The following FOLH1 variants were observed in gnomAD, a reference collection of about 807,000 sequenced individuals.
FOLH1 encodes folate hydrolase 1, also known as glutamate carboxypeptidase 2.
FOLH1 carries 54 observed loss-of-function variants against 93.9 expected under a neutral mutation model. The observed-to-expected ratio is 0.57, with a 90% confidence interval of 0.46 to 0.72. FOLH1 has a LOEUF of 0.72. Among genes scored for constraint, FOLH1 ranks in the 30% least tolerant of loss-of-function variants. FOLH1 has a pLI of 0.00. For synonymous variants in FOLH1, 249 were observed against 303.6 expected (o/e 0.82, Z 1.87); for missense variants, 571 against 892.5 (o/e 0.64, Z 4.59).
At chr11:49,181,066 C>T (rs1404960455) in intron 7 of FOLH1, among the ~76,000 whole-genome samples, 1 of 151,978 alleles carries the variant, frequency 6.6e-6, no homozygotes, top group African/African-American at 2.4e-5. Context: ...TTATGCATCC[C>T]TCTTTTGTAA....
chr11:49,168,513 A>G (rs1334296462), intron 12 of FOLH1, among the ~76,000 whole-genome samples: 7 of 152,074 alleles, frequency 4.6e-5, no homozygotes, highest in Non-Finnish European at 8.8e-5. Context: ...TGAAGTTTCT[A>G]TTATTCTTTC....
At chr11:49,198,432 A>C (rs1410618865) in intron 3 of FOLH1, among the ~76,000 whole-genome samples, 2 of 150,698 alleles carry the variant, frequency 1.3e-5, no homozygotes, top group Non-Finnish European at 2.9e-5. Context: ...CAGTGAGCGG[A>C]GATACCGCCA....
intron 2 of FOLH1, among the ~76,000 whole-genome samples, chr11:49,205,292 T>G (rs949157059): frequency 2.6e-5 from 4 of 152,198 alleles, no homozygotes; most frequent in Admixed American, 6.5e-5. Context: ...ATTTTCTTTT[T>G]GGTTGCTTTT....
At chr11:49,149,653 G>T (rs1216900118) in intron 17 of FOLH1, among the ~76,000 whole-genome samples, 1 of 152,064 alleles carries the variant, frequency 6.6e-6, no homozygotes, top group African/African-American at 2.4e-5. Flanking sequence ...ATTCAAGCTT[G>T]TAGAGTGAGC....
chr11:49,192,424 A>G (rs974476966), intron 4 of FOLH1, among the ~76,000 whole-genome samples: 8 of 152,230 alleles, frequency 5.3e-5, no homozygotes, highest in Admixed American at 3.3e-4. Flanking sequence ...CAGAAATGTC[A>G]AAGAAAGATA....
At chr11:49,205,422 A>G (rs1010018776) in intron 2 of FOLH1, among the ~76,000 whole-genome samples, 69 of 152,206 alleles carry the variant, frequency 4.5e-4, no homozygotes, top group African/African-American at 1.6e-3. Context: ...CTTCATCCAT[A>G]TCATAATAAG....
At chr11:49,148,455 G>A (rs1856026637) in intron 18 of FOLH1, among the ~76,000 whole-genome samples, 184 bp downstream of exon 18, 1 of 151,126 alleles carries the variant, frequency 6.6e-6, no homozygotes. Context: ...TCAAAATAAA[G>A]ATATGCAAAA....
chr11:49,188,588 T>G (rs1447991079), intron 4 of FOLH1, among the ~76,000 whole-genome samples: 1 of 152,070 alleles, frequency 6.6e-6, no homozygotes, highest in East Asian at 1.9e-4. Flanking sequence ...ACAACATCAT[T>G]GCAATTCTTA....
intron 4 of FOLH1, among the ~76,000 whole-genome samples, chr11:49,191,036 G>A (rs1453837874): frequency 2.0e-5 from 3 of 152,174 alleles, no homozygotes; most frequent in African/African-American, 7.2e-5. Flanking sequence ...AGGTTGGCCG[G>A]GTGCGGAGGC....
intron 3 of FOLH1, among the ~76,000 whole-genome samples, chr11:49,197,636 G>C (rs1419439760): frequency 6.6e-6 from 1 of 151,978 alleles, no homozygotes. Context: ...TTTTGTGCAG[G>C]GGTATAAAAG....
intron 13 of FOLH1, chr11:49,162,661 A>G (rs1042040606): frequency 5.9e-5 from 9 of 152,230 alleles, no homozygotes; most frequent in Admixed American, 1.3e-4. Flanking sequence ...ATTTGGAGGA[A>G]AGAGGGCACT....
chr11:49,148,932 T>C lies in FOLH1; in HGVS notation c.1971-201A>G, dbSNP rs1856104431. ...AGTCGGCCCTCCTCCTTTGTGGAAT[T>C]TTTTTTTATTATTATACTTTTAAGT... On this transcript the variant is annotated intron_variant, in intron 17 of 18. Transcript: ENST00000256999. 2.0e-5 allele frequency among the ~76,000 whole-genome samples: 3 copies of C among 152,034 alleles called. No individual in the cohort carries two copies. In the South Asian group the frequency reaches 6.2e-4, roughly 31 times the overall value.
intron 7 of FOLH1, among the ~76,000 whole-genome samples, chr11:49,179,810 C>A (rs7120140): frequency 0.034 from 5,131 of 152,100 alleles, 123 homozygotes; most frequent in Non-Finnish European, 0.051. Context: ...TTAAAAAGAT[C>A]AACAAAATCA....
At chr11:49,204,952 G>A (rs1305065872) in intron 2 of FOLH1, among the ~76,000 whole-genome samples, 6 of 151,898 alleles carry the variant, frequency 4.0e-5, no homozygotes, top group Non-Finnish European at 8.8e-5. Context: ...GGCTCACACC[G>A]GTAATCCCAG....
intron 15 of FOLH1, among the ~76,000 whole-genome samples, chr11:49,155,071 G>A: frequency 6.6e-6 from 1 of 151,116 alleles, no homozygotes; most frequent in East Asian, 1.9e-4. Context: ...GTAGAAGGAA[G>A]GACTTTTCAA....
At chr11:49,180,579 G>C (rs1180726922) in intron 7 of FOLH1, among the ~76,000 whole-genome samples, 1 of 151,878 alleles carries the variant, frequency 6.6e-6, no homozygotes, top group Non-Finnish European at 1.5e-5. Context: ...TATTCCATTT[G>C]TAAAACACTG....
chr11:49,207,713 T>G, intron 1 of FOLH1: 2 of 359,394 alleles, frequency 5.6e-6, no homozygotes, highest in Non-Finnish European at 5.5e-6. Flanking sequence ...TCAAGGCCAC[T>G]AAGAAGTGGC....
rs1856790841 is a variant in FOLH1 at position 49,154,448 on chromosome 11, A to G, written c.1668T>C (p.Tyr556=). The change falls in exon 16 of 19, where the codon TAT becomes TAC. Residue 556 remains tyrosine (Y), a synonymous_variant. Coordinates refer to ENST00000256999, the MANE Select transcript of FOLH1 (RefSeq NM_004476.3). ...FSGYPLYHSV[Y]ETYELVEKFY... is the part of the protein sequence containing the mutation. ...ACTTTTCCACCAACTCATATGTTTCATAGACACTGTGATACAGTGGATAGC... is the reference window on the plus strand; with the variant it reads ...ACTTTTCCACCAACTCATATGTTTCGTAGACACTGTGATACAGTGGATAGC... The G allele has an allele frequency of 3.7e-6, 6 of 1,608,918 alleles. No individual in the cohort carries two copies. Among genetic ancestry groups the G allele is most frequent in the Middle Eastern group, 1.7e-4 (1 of 6,036 alleles).
intron 12 of FOLH1, among the ~76,000 whole-genome samples, chr11:49,167,170 C>T (rs1858513543): frequency 6.6e-6 from 1 of 151,946 alleles, no homozygotes; most frequent in African/African-American, 2.4e-5. Flanking sequence ...TATATTTCAC[C>T]TTATGTGTTT....
Sources: gnomAD v4.1 joint callset for allele counts (sites outside exome capture counted in the v4.1 genomes callset) on GRCh38, gnomAD v4.1.1 for gene constraint, MANE v1.5 for transcripts, NCBI Gene and HGNC (gene_info 2026-07-23, HGNC 2026-07-21) for gene names.